RBFOX1: variants seen among roughly 807,000 people sequenced by gnomAD.
RBFOX1 encodes the protein RNA binding protein fox-1 homolog 1.
RBFOX1 carries 8 observed loss-of-function variants against 57.7 expected under a neutral mutation model. The ratio of observed to expected loss-of-function variants is 0.14; its 90% CI spans 0.08 to 0.25. The LOEUF is 0.25. RBFOX1 is among the 10% of genes least tolerant of loss of function. The probability of loss-of-function intolerance (pLI) is 1.00; values close to 1 mark genes in which losing one functional copy is unlikely to be tolerated. For missense variants in RBFOX1, 611 were observed against 548.5 expected (o/e 1.11, Z -1.14); for synonymous variants, 326 against 222.4 (o/e 1.47, Z -4.15).
At chr16:5,678,656 C>G (rs1166900864) in intron 3 of RBFOX1, among the ~76,000 whole-genome samples, 2 of 152,134 alleles carry the variant, frequency 1.3e-5, no homozygotes, top group East Asian at 1.9e-4. Flanking sequence ...AAGTGAGAAC[C>G]TCAGCTGAGG....
chr16:5,305,686 G>A (rs1239577874), intron 1 of RBFOX1, among the ~76,000 whole-genome samples: 1 of 152,062 alleles, frequency 6.6e-6, no homozygotes, highest in Non-Finnish European at 1.5e-5. Context: ...GAAGCAAGGT[G>A]GCACACATGC....
intron 4 of RBFOX1, among the ~76,000 whole-genome samples, chr16:7,458,528 T>C (rs1382833744): frequency 6.6e-6 from 1 of 152,238 alleles, no homozygotes; most frequent in East Asian, 1.9e-4. Context: ...TTTTTGTCAT[T>C]GTTAAAGGAA....
intron 4 of RBFOX1, among the ~76,000 whole-genome samples, chr16:5,954,405 G>A (rs2059583566): frequency 6.6e-6 from 1 of 152,076 alleles, no homozygotes; most frequent in African/African-American, 2.4e-5. Context: ...GCTGGACACT[G>A]CTGAGAACGA....
intron 2 of RBFOX1, among the ~76,000 whole-genome samples, chr16:6,425,325 A>T (rs1369689948): frequency 5.3e-5 from 8 of 152,130 alleles, no homozygotes; most frequent in Non-Finnish European, 1.2e-4. Flanking sequence ...AAGGAGGAAT[A>T]CTCTAAAATC....
intron 4 of RBFOX1, among the ~76,000 whole-genome samples, chr16:7,361,435 A>G (rs550563988): frequency 6.6e-6 from 1 of 152,332 alleles, no homozygotes; most frequent in East Asian, 1.9e-4. Flanking sequence ...AAAGCTTGAA[A>G]GAACGGTTTC....
At chr16:7,009,939 C>T (rs978125548) in intron 3 of RBFOX1, among the ~76,000 whole-genome samples, 1 of 152,022 alleles carries the variant, frequency 6.6e-6, no homozygotes, top group African/African-American at 2.4e-5. Flanking sequence ...TTGCCATTGG[C>T]TACAAGGAAA....
chr16:7,499,809 A>T (rs2151793266), intron 4 of RBFOX1, among the ~76,000 whole-genome samples: 1 of 152,088 alleles, frequency 6.6e-6, no homozygotes, highest in East Asian at 1.9e-4. Flanking sequence ...TCTACTTCGC[A>T]GTTGTTGAGA....
chr16:6,995,794 AG>A (rs1490959304), intron 3 of RBFOX1, among the ~76,000 whole-genome samples: 7 of 152,094 alleles, frequency 4.6e-5, no homozygotes, highest in African/African-American at 1.7e-4. Flanking sequence ...AAAAAGGGAA[AG>A]GCTTTGAGGT....
intron 3 of RBFOX1, among the ~76,000 whole-genome samples, chr16:6,680,133 C>G (rs1021368499): frequency 2.6e-5 from 4 of 151,984 alleles, no homozygotes; most frequent in Non-Finnish European, 5.9e-5. Flanking sequence ...CATAGAAGGA[C>G]TACCACATAG....
chr16:6,969,277 C>G (rs58304233), intron 3 of RBFOX1, among the ~76,000 whole-genome samples: 4,418 of 152,126 alleles, frequency 0.029, 224 homozygotes, highest in African/African-American at 0.1. Flanking sequence ...TTTAAAAATG[C>G]TTAGGCAGTT....
chr16:6,804,600 T>C (rs117540590), intron 3 of RBFOX1, among the ~76,000 whole-genome samples: 1,695 of 152,316 alleles, frequency 0.011, 19 homozygotes, highest in Non-Finnish European at 0.019. Flanking sequence ...TGGATTAATA[T>C]CAAGTTTCAC....
At chr16:7,010,409 A>T (rs377617328) in intron 3 of RBFOX1, among the ~76,000 whole-genome samples, 1 of 152,050 alleles carries the variant, frequency 6.6e-6, no homozygotes, top group African/African-American at 2.4e-5. Flanking sequence ...GGTGATTATT[A>T]TATGCATTGG....
chr16:7,289,166 G>C (rs563691711), intron 4 of RBFOX1, among the ~76,000 whole-genome samples: 1 of 152,186 alleles, frequency 6.6e-6, no homozygotes, highest in African/African-American at 2.4e-5. Flanking sequence ...AGAAAAAGCA[G>C]TCAGGGTGAT....
chr16:6,905,234 C>T (rs1435751111), intron 3 of RBFOX1, among the ~76,000 whole-genome samples: 1 of 151,466 alleles, frequency 6.6e-6, no homozygotes, highest in Admixed American at 6.6e-5. Context: ...AGCTAACAGT[C>T]TCTGTAACTG....
At chr16:6,096,847 CCTCCG>C (rs1290251819) in intron 1 of RBFOX1, among the ~76,000 whole-genome samples, 1 of 152,184 alleles carries the variant, frequency 6.6e-6, no homozygotes, top group Admixed American at 6.5e-5. Flanking sequence ...AGGTCATCAG[CCTCCG>C]CTGGGAAGGA....
chr16:6,440,181 C>T (rs555234470), intron 2 of RBFOX1, among the ~76,000 whole-genome samples: 29 of 152,058 alleles, frequency 1.9e-4, no homozygotes, highest in South Asian at 8.3e-4. Context: ...GTGATTCGTC[C>T]GCCTCAGCCT....
chr16:6,441,330 T>G (rs182043078), intron 2 of RBFOX1, among the ~76,000 whole-genome samples: 33 of 152,308 alleles, frequency 2.2e-4, no homozygotes, highest in Admixed American at 1.9e-3. Context: ...TGTACATAGC[T>G]TCCCCTAAAG....
At chr16:7,708,246 TA>T (rs201903934) in intron 14 of RBFOX1, among the ~76,000 whole-genome samples, 2 of 150,070 alleles carry the variant, frequency 1.3e-5, no homozygotes, top group African/African-American at 5.0e-5. Context: ...TTGATTCCTT[TA>T]AAAAAAAAAG....
chr16:6,590,915 T>A lies in RBFOX1; in HGVS notation c.-63-63688T>A, dbSNP rs760517883. Among the ~76,000 whole-genome samples, 6 of 152,066 alleles carry A rather than the reference T, an allele frequency of 3.9e-5. No homozygotes were observed. The South Asian group carries it at 1.0e-3, about 26-fold the overall frequency. ...CAGACCATGCATTTGCACATTTAGG[T>A]TAGTATAGTGGGTAAGATGAGAGAC... On this transcript the variant is annotated intron_variant, in intron 2 of 15. Transcript: ENST00000550418.
Sources: gnomAD v4.1 joint callset for allele counts (sites outside exome capture counted in the v4.1 genomes callset) on GRCh38, gnomAD v4.1.1 for gene constraint, MANE v1.5 for transcripts, NCBI Gene and HGNC (gene_info 2026-07-23, HGNC 2026-07-21) for gene names.